The following ATP13A3 variants were observed in gnomAD, a reference collection of about 807,000 sequenced individuals.
ATP13A3 encodes polyamine-transporting ATPase 13A3.
Under a neutral mutation model 158.1 loss-of-function variants are expected in ATP13A3, and 59 were observed. That is an observed-to-expected ratio of 0.37 (90% CI 0.30 to 0.46). The LOEUF is 0.46. ATP13A3 is among the 20% of genes least tolerant of loss of function. The probability of loss-of-function intolerance (pLI) is 1.00; values close to 1 mark genes in which losing one functional copy is unlikely to be tolerated. For synonymous variants in ATP13A3, 491 were observed against 504.3 expected, an observed-to-expected ratio of 0.97 and a Z score of 0.35; for missense variants, 1,166 against 1,525.2, an observed-to-expected ratio of 0.76 and a Z score of 3.92.
At chr3:194,449,921 C>T (rs1718687834) in intron 11 of ATP13A3, among the ~76,000 whole-genome samples, 1 of 151,930 alleles carries the variant, frequency 6.6e-6, no homozygotes, top group Non-Finnish European at 1.5e-5. Flanking sequence ...CAAAGAGTAG[C>T]CAGAGTGAGG....
In ATP13A3 at chr3:194,413,846, T is replaced by G. The variant is rs983941138; in HGVS notation, c.3403-7A>C. ...GATATGGTACACACACTATCTGTAA[T>G]GCAAAAACATTTTAAAGTTAAAATT... is the stretch of plus-strand genomic sequence containing the variant. On this transcript the variant is annotated splice_region_variant and splice_polypyrimidine_tract_variant and intron_variant, in intron 31 of 33. Coordinates refer to ENST00000645319, the MANE Select transcript of ATP13A3 (RefSeq NM_001367549.1). 2.0e-5 allele frequency: 32 copies of G among 1,609,714 alleles called. No homozygotes were observed. Among genetic ancestry groups the G allele is most frequent in the Non-Finnish European group, 2.7e-5 (32 of 1,176,296 alleles).
intron 21 of ATP13A3, among the ~76,000 whole-genome samples, chr3:194,432,684 A>G (rs1330953829): frequency 1.3e-5 from 2 of 152,232 alleles, no homozygotes; most frequent in Non-Finnish European, 2.9e-5. Flanking sequence ...AGTTACCTTG[A>G]GTTATACGGT....
intron 21 of ATP13A3, 180 bp from the exon 22 acceptor site, chr3:194,432,072 G>A (rs541785430): frequency 1.3e-5 from 7 of 521,854 alleles, no homozygotes; most frequent in Non-Finnish European, 2.2e-5. Context: ...ATCAAAAGAA[G>A]CCTCAAATAA....
rs1717703544 is a variant in ATP13A3, at chr3:194,437,164, C to T, written c.2051G>A (p.Arg684His). 2.5e-6 allele frequency: 4 copies of T among 1,613,994 alleles called. No individual in the cohort carries two copies. The highest frequency in any genetic ancestry group is 1.1e-5 in the South Asian group (1 of 91,074). The change falls in exon 20 of 34, where the codon CGT becomes CAT. Residue 684 changes from arginine to histidine, a missense_variant. By Grantham distance (29) the Arg-to-His change is conservative (BLOSUM62 0). Around this residue, in one of 3 missense-constraint regions of ATP13A3, gnomAD observed 997 missense variants for 1,341.2 expected, o/e 0.74. Transcript: ENST00000645319. Reference protein sequence around the residue: ...VLEDFTKQGFRVIALAHRKLE... With the variant: ...VLEDFTKQGFHVIALAHRKLE... ...TTTTCTGTGTGCAAGAGCAATCACACGGAAGCCCTGTTTAGTGAAGTCTTC... is the reference window on the plus strand; with the variant it reads ...TTTTCTGTGTGCAAGAGCAATCACATGGAAGCCCTGTTTAGTGAAGTCTTC...
At chr3:194,428,512 T>C (rs1231302440) in intron 28 of ATP13A3, among the ~76,000 whole-genome samples, 2 of 152,188 alleles carry the variant, frequency 1.3e-5, no homozygotes, top group East Asian at 1.9e-4. Flanking sequence ...GCACCAGATA[T>C]TATATCAATG....
At chr3:194,433,243 T>TTC (rs1376087781) in intron 21 of ATP13A3, among the ~76,000 whole-genome samples, 1 of 144,182 alleles carries the variant, frequency 6.9e-6, no homozygotes, top group Non-Finnish European at 1.5e-5. Context: ...TTTTTTTTTT[T>TTC]TTTTTTTTTT....
chr3:194,454,148 A>G lies in ATP13A3; in HGVS notation c.765+110T>C, dbSNP rs1348228969. ...AGGAGCATATATTCATGCAACTAAA[A>G]TAATGACTGCATTGAGAATTTACTT... is the stretch of plus-strand genomic sequence containing the variant. On this transcript the variant is annotated intron_variant, in intron 9 of 33. Coordinates refer to ENST00000645319, the MANE Select transcript of ATP13A3 (RefSeq NM_001367549.1). The G allele has an allele frequency of 7.1e-6, 8 of 1,132,484 alleles. No individual in the cohort carries two copies. In the East Asian group the frequency reaches 1.7e-4, roughly 24 times the overall value. 70.2% of individuals were successfully genotyped at this position (1,132,484 alleles called of 1,614,324 possible).
chr3:194,433,194 G>T (rs984979863), intron 21 of ATP13A3, among the ~76,000 whole-genome samples: 5 of 146,826 alleles, frequency 3.4e-5, no homozygotes, highest in African/African-American at 7.5e-5. Context: ...AAACAAAAAG[G>T]AGTCAAGTTT....
At chr3:194,431,286 AT>A in intron 22 of ATP13A3, 60 bp from the exon 23 acceptor site, 1 of 1,496,104 alleles carries the variant, frequency 6.7e-7, no homozygotes, top group Non-Finnish European at 9.0e-7. Flanking sequence ...AAACAATTCT[AT>A]TTTAAACATA....
intron 21 of ATP13A3, 92 bp downstream of exon 21, chr3:194,433,677 TATA>T (rs1717413866): frequency 6.7e-7 from 1 of 1,485,592 alleles, no homozygotes; most frequent in South Asian, 1.3e-5. Context: ...CTATAGACTA[TATA>T]ATATGATTTT....
upstream of ATP13A3, chr3:194,487,550 G>A (rs1338106325): frequency 6.6e-6 from 1 of 152,272 alleles, no homozygotes; most frequent in Non-Finnish European, 1.5e-5. Flanking sequence ...GGACAGGGAG[G>A]AGCGCACACG....
chr3:194,446,211 G>A (rs956947298), intron 14 of ATP13A3, among the ~76,000 whole-genome samples: 3 of 152,116 alleles, frequency 2.0e-5, no homozygotes, highest in Non-Finnish European at 2.9e-5. Flanking sequence ...TGTTTTGTCC[G>A]TCTTTTTTTA....
intron 31 of ATP13A3, among the ~76,000 whole-genome samples, chr3:194,419,407 C>T (rs1453568347): frequency 1.3e-5 from 2 of 152,152 alleles, no homozygotes; most frequent in Admixed American, 1.3e-4. Context: ...TTGGATGATA[C>T]ACTCAGGGTG....
intron 15 of ATP13A3, among the ~76,000 whole-genome samples, chr3:194,442,348 G>A (rs182293128): frequency 7.4e-4 from 113 of 152,206 alleles, no homozygotes; most frequent in African/African-American, 2.7e-3. Context: ...CTGTCATCCC[G>A]GCATTTTGGG....
chr3:194,493,813 C>G (rs1377427265), intron 2 of ATP13A3, among the ~76,000 whole-genome samples: 1 of 152,068 alleles, frequency 6.6e-6, no homozygotes, highest in African/African-American at 2.4e-5. Flanking sequence ...ACAACGATGC[C>G]AACACTAAAA....
chr3:194,419,798 C>T (rs2108763796), intron 31 of ATP13A3, 81 bp downstream of exon 31: 1 of 1,505,386 alleles, frequency 6.6e-7, no homozygotes, highest in Non-Finnish European at 8.8e-7. Flanking sequence ...TTAGAATACA[C>T]AAAAAGAAGA....
intron 2 of ATP13A3, among the ~76,000 whole-genome samples, chr3:194,464,953 C>T (rs1472762387): frequency 1.3e-5 from 2 of 152,026 alleles, no homozygotes; most frequent in African/African-American, 4.8e-5. Flanking sequence ...TCTCCAGTTC[C>T]AATCACCACC....
chr3:194,444,619 C>A, intron 15 of ATP13A3, 106 bp downstream of exon 15: 1 of 898,006 alleles, frequency 1.1e-6, no homozygotes, highest in South Asian at 2.5e-5. Flanking sequence ...CGGTTTAATC[C>A]TGGTATAGGT....
At chr3:194,458,877 G>C (rs1719439385) in intron 6 of ATP13A3, among the ~76,000 whole-genome samples, 2 of 151,992 alleles carry the variant, frequency 1.3e-5, no homozygotes, top group African/African-American at 4.8e-5. Context: ...TTCATAACAT[G>C]ATTTTCTTTT....
Sources: gnomAD v4.1 joint callset for allele counts (sites outside exome capture counted in the v4.1 genomes callset) on GRCh38, gnomAD v4.1.1 for gene constraint, gnomAD v4.1.1 regional missense constraint, MANE v1.5 for transcripts, NCBI Gene and HGNC (gene_info 2026-07-23, HGNC 2026-07-21) for gene names.